Variants in KAZN observed in about 807,000 individuals in gnomAD.
KAZN encodes the protein kazrin, periplakin interacting protein, also known as kazrin.
KAZN carries 40 observed loss-of-function variants against 87.4 expected under a neutral mutation model. That is an observed-to-expected ratio of 0.46 (90% CI 0.36 to 0.60). The LOEUF is 0.60. KAZN is among the 20% of genes least tolerant of loss of function. The pLI is 0.00. For missense variants in KAZN, 898 were observed against 1,073.9 expected, an observed-to-expected ratio of 0.84 and a Z score of 2.29; for synonymous variants, 466 against 458.3, an observed-to-expected ratio of 1.02 and a Z score of -0.22.
intron 1 of KAZN, among the ~76,000 whole-genome samples, chr1:14,620,796 T>A (rs1678637019): frequency 6.6e-6 from 1 of 152,206 alleles, no homozygotes; most frequent in African/African-American, 2.4e-5. Context: ...ATCTTTAAAA[T>A]GGAAATAATA....
intron 1 of KAZN, among the ~76,000 whole-genome samples, chr1:14,606,933 A>T (rs754323781): frequency 6.6e-6 from 1 of 152,172 alleles, no homozygotes; most frequent in Non-Finnish European, 1.5e-5. Context: ...ACTGCTTTTT[A>T]TGCAGTGGTG....
At chr1:15,024,280 G>T (rs1259489598) in intron 2 of KAZN, among the ~76,000 whole-genome samples, 1 of 152,208 alleles carries the variant, frequency 6.6e-6, no homozygotes, top group African/African-American at 2.4e-5. Context: ...TGGAGGCAGA[G>T]CTCATCAGAT....
chr1:14,500,577 A>G (rs986831791), intron 2 of KAZN, among the ~76,000 whole-genome samples: 2 of 151,882 alleles, frequency 1.3e-5, no homozygotes, highest in Non-Finnish European at 2.9e-5. Flanking sequence ...AAGCAAGCAG[A>G]AGGAAGGAAA....
At chr1:13,917,760 G>A (rs1486959590) in intron 1 of KAZN, among the ~76,000 whole-genome samples, 1 of 133,608 alleles carries the variant, frequency 7.5e-6, no homozygotes, top group Non-Finnish European at 1.5e-5. Flanking sequence ...TTACACGACA[G>A]CACTCCAGCC....
At chr1:14,234,055 A>G (rs1056048427) in intron 2 of KAZN, among the ~76,000 whole-genome samples, 6 of 152,192 alleles carry the variant, frequency 3.9e-5, no homozygotes, top group African/African-American at 1.4e-4. Context: ...TTGGGTATAT[A>G]CAGAGAGGAT....
At chr1:15,017,406 G>A (rs544329402) in intron 2 of KAZN, among the ~76,000 whole-genome samples, 32 of 152,336 alleles carry the variant, frequency 2.1e-4, no homozygotes, top group African/African-American at 7.7e-4. Flanking sequence ...ATAAGGCCGT[G>A]GCTAAGTCCT....
chr1:14,611,423 A>G (rs971309257), intron 1 of KAZN, among the ~76,000 whole-genome samples: 2 of 152,226 alleles, frequency 1.3e-5, no homozygotes, highest in Non-Finnish European at 2.9e-5. Context: ...TTTGTATTAG[A>G]ATGAAATGCA....
intron 1 of KAZN, among the ~76,000 whole-genome samples, chr1:14,857,695 C>G (rs1650297668): frequency 1.3e-5 from 2 of 152,128 alleles, no homozygotes; most frequent in Admixed American, 1.3e-4. Flanking sequence ...TTTATTTCCC[C>G]TTAGGCTATT....
intron 2 of KAZN, among the ~76,000 whole-genome samples, chr1:14,496,812 T>C (rs1047792745): frequency 6.6e-6 from 1 of 151,332 alleles, no homozygotes; most frequent in African/African-American, 2.4e-5. Flanking sequence ...TTCTTAAACA[T>C]GTAGCATCAG....
chr1:14,825,140 G>A (rs1557527925), intron 1 of KAZN, among the ~76,000 whole-genome samples: 1 of 152,226 alleles, frequency 6.6e-6, no homozygotes, highest in Non-Finnish European at 1.5e-5. Context: ...AAGCTAGCAA[G>A]GACTGCCTTT....
chr1:14,881,843 T>C (rs1653372347), intron 1 of KAZN, among the ~76,000 whole-genome samples: 1 of 152,202 alleles, frequency 6.6e-6, no homozygotes, highest in South Asian at 2.1e-4. Context: ...TTAAATGAGA[T>C]TTGGATTCAC....
chr1:15,019,753 T>C (rs1670477570), intron 2 of KAZN, among the ~76,000 whole-genome samples: 1 of 152,092 alleles, frequency 6.6e-6, no homozygotes, highest in South Asian at 2.1e-4. Flanking sequence ...TTGAGGAAAA[T>C]TTGAGTGAAA....
chr1:14,003,698 T>C (rs1187454079), intron 1 of KAZN, among the ~76,000 whole-genome samples: 2 of 152,160 alleles, frequency 1.3e-5, no homozygotes, highest in Non-Finnish European at 2.9e-5. Flanking sequence ...GACAGGTGCA[T>C]GGTAGACCTA....
At chr1:14,077,417 A>G (rs917115465) in intron 1 of KAZN, among the ~76,000 whole-genome samples, 2 of 152,214 alleles carry the variant, frequency 1.3e-5, no homozygotes, top group Admixed American at 1.3e-4. Context: ...GTGCTGCTGC[A>G]AAAGACTTAC....
chr1:14,812,013 G>A (rs1287576459), intron 1 of KAZN, among the ~76,000 whole-genome samples: 1 of 152,184 alleles, frequency 6.6e-6, no homozygotes, highest in East Asian at 1.9e-4. Context: ...AAGAACTTTT[G>A]TTTTTCTGGA....
At chr1:15,051,645 G>A (rs1209545004) in intron 4 of KAZN, among the ~76,000 whole-genome samples, 3 of 152,192 alleles carry the variant, frequency 2.0e-5, no homozygotes, top group Non-Finnish European at 4.4e-5. Flanking sequence ...CTGGAGGAAC[G>A]AAGGCACGGA....
At chr1:14,112,755 G>A (rs989197913) in intron 1 of KAZN, among the ~76,000 whole-genome samples, 3 of 152,196 alleles carry the variant, frequency 2.0e-5, no homozygotes, top group Non-Finnish European at 2.9e-5. Flanking sequence ...TGCAGTCTTG[G>A]CACTGATGAC....
chr1:14,600,319 T>C (rs1676856284), intron 1 of KAZN, among the ~76,000 whole-genome samples: 2 of 152,178 alleles, frequency 1.3e-5, no homozygotes, highest in Admixed American at 1.3e-4. Flanking sequence ...TTTCAAGAGC[T>C]TCTCTTGAGG....
intron 1 of KAZN, among the ~76,000 whole-genome samples, chr1:14,802,923 A>G (rs1475126132): frequency 6.6e-6 from 1 of 152,018 alleles, no homozygotes; most frequent in Non-Finnish European, 1.5e-5. Context: ...CCTGTCCCCA[A>G]CCCACAGAGG....
Sources: allele counts gnomAD v4.1 joint callset (sites outside exome capture counted in the v4.1 genomes callset), GRCh38; gene constraint gnomAD v4.1.1; transcripts MANE v1.5; gene names NCBI Gene and HGNC (gene_info 2026-07-23, HGNC 2026-07-21).